UFC1: variants seen among roughly 807,000 people sequenced by gnomAD.
UFC1 encodes ubiquitin-fold modifier-conjugating enzyme 1.
UFC1 carries 22 observed loss-of-function variants against 28.0 expected under a neutral mutation model. That is an observed-to-expected ratio of 0.78 (90% CI 0.56 to 1.12). The LOEUF (loss-of-function observed/expected upper bound fraction) is 1.12. UFC1 is among the 50% of genes most tolerant of loss of function. UFC1 has a pLI of 0.00. For synonymous variants in UFC1, 61 were observed against 74.5 expected, an observed-to-expected ratio of 0.82 and a Z score of 0.93; for missense variants, 189 against 207.8, an observed-to-expected ratio of 0.91 and a Z score of 0.56.
chr1:161,156,623 C>G (rs1382427525), intron 1 of UFC1, among the ~76,000 whole-genome samples: 1 of 151,462 alleles, frequency 6.6e-6, no homozygotes, highest in Non-Finnish European at 1.5e-5. Flanking sequence ...AGGTTGATCA[C>G]CTGGGGTCAG....
intron 1 of UFC1, 92 bp downstream of exon 1, chr1:161,154,212 G>T (rs758445318): frequency 6.4e-7 from 1 of 1,551,614 alleles, no homozygotes; most frequent in Non-Finnish European, 8.7e-7. Context: ...AGCCGCTTCC[G>T]GTTTTTAAGT....
rs186340905 is a variant in UFC1, at chr1:161,158,692, C to A, written c.*200C>A. 2 of 614,212 alleles carry A rather than the reference C, an allele frequency of 3.3e-6. No homozygotes were observed. The highest frequency in any genetic ancestry group is 2.8e-5 in the East Asian group (1 of 35,192). The allele number at this position is 614,212 out of a possible 1,614,324, so 38.0% of individuals were successfully genotyped here. The stretch of plus-strand genomic sequence containing the variant: ...CTGCTACTTAGTTTCTAAGGCTGCA[C>A]AGGGAAGGGAAAGACTGGGCTTTGG... On this transcript the variant is annotated 3_prime_UTR_variant, in exon 6 of 6. Coordinates refer to ENST00000368003, the MANE Select transcript of UFC1 (RefSeq NM_016406.4).
intron 1 of UFC1, among the ~76,000 whole-genome samples, chr1:161,156,063 T>C (rs1657495359): frequency 6.6e-6 from 1 of 152,166 alleles, no homozygotes; most frequent in Non-Finnish European, 1.5e-5. Context: ...AGTTGTGGGC[T>C]GAGGGCAGAC....
chr1:161,157,579 C>A, intron 3 of UFC1, 38 bp from the exon 4 acceptor site: 3 of 1,578,414 alleles, frequency 1.9e-6, no homozygotes, highest in Non-Finnish European at 1.7e-6. Flanking sequence ...TCCTTTCTAT[C>A]CTGATTCTGT....
chr1:161,154,248 G>A, intron 1 of UFC1, 128 bp downstream of exon 1: 1 of 1,446,288 alleles, frequency 6.9e-7, no homozygotes, highest in Non-Finnish European at 9.4e-7. Flanking sequence ...ATAGAAATGG[G>A]ACTATTGTGG....
Position 161,154,011 on chromosome 1 carries a change from CCACGCGA to C in UFC1, c.16_22del (p.Thr6ValfsTer9). The C allele has an allele frequency of 6.2e-7, 1 of 1,614,102 alleles. No homozygotes were observed. Among genetic ancestry groups the C allele is most frequent in the Non-Finnish European group, 8.5e-7 (1 of 1,180,014 alleles). On this transcript the variant is annotated frameshift_variant, in exon 1 of 6. Coordinates refer to ENST00000368003, the MANE Select transcript of UFC1 (RefSeq NM_016406.4). LOFTEE classifies it high-confidence loss of function. ...CCCTGGTCCAAGATGGCGGATGAAG[CCACGCGA>C]CGTGTTGTGTCTGAGATCCCGGTGC... is the stretch of plus-strand genomic sequence containing the variant.
chr1:161,157,622 T>C lies in UFC1; in HGVS notation c.261T>C (p.Pro87=), dbSNP rs780803364. Residue 87 remains proline (P), a synonymous_variant, in exon 4 of 6, where the codon CCT becomes CCC. Transcript: ENST00000368003. ...KYEFDIEFDI[P]ITYPTTAPEI... is the part of the protein sequence containing the mutation. ...AGGTTTTATAATTTCTCCAGATTCCTATCACATATCCTACTACTGCCCCAG... is the reference window on the plus strand; with the variant it reads ...AGGTTTTATAATTTCTCCAGATTCCCATCACATATCCTACTACTGCCCCAG... 5.0e-6 allele frequency: 8 copies of C among 1,613,674 alleles called. No individual in the cohort carries two copies. The highest frequency in any genetic ancestry group is 6.8e-6 in the Non-Finnish European group (8 of 1,179,554).
rs747649250 is a variant in UFC1, at chr1:161,158,631, A to G, written c.*139A>G. The G allele has an allele frequency of 6.1e-6, 5 of 824,156 alleles. No individual in the cohort carries two copies. Among genetic ancestry groups the G allele is most frequent in the African/African-American group, 1.7e-5 (1 of 59,314 alleles). The allele number at this position is 824,156 out of a possible 1,614,324, so 51.1% of individuals were successfully genotyped here. ...TTGTTACTAAGTAGCTGCAGTAGGC[A>G]TTGCTGGGGAAGAAACAAACACACA... is the stretch of plus-strand genomic sequence containing the variant. On this transcript the variant is annotated 3_prime_UTR_variant, in exon 6 of 6. Coordinates refer to ENST00000368003, the MANE Select transcript of UFC1 (RefSeq NM_016406.4).
In UFC1 at chr1:161,156,953, G is replaced by C. The variant is rs749127647; in HGVS notation, c.127G>C (p.Val43Leu). 6.2e-6 allele frequency: 10 copies of C among 1,614,068 alleles called. No individual in the cohort carries two copies. Among genetic ancestry groups the C allele is most frequent in the Non-Finnish European group, 8.5e-6 (10 of 1,180,016 alleles). Residue 43 changes from valine to leucine, a missense_variant, in exon 2 of 6, where the codon GTG becomes CTG. Physicochemically the swap from Val to Leu is conservative, Grantham distance 32. Coordinates refer to ENST00000368003, the MANE Select transcript of UFC1 (RefSeq NM_016406.4). The stretch of plus-strand genomic sequence containing the variant: ...AGACCTCATTCTCTGCTTTCAGTAT[G>C]TGGAGAACAACAAGAATGCTGACAA... ...KEEYQSLIRY[V>L]ENNKNADNDW...
At chr1:161,154,175 T>C in intron 1 of UFC1, 55 bp downstream of exon 1, 1 of 1,604,408 alleles carries the variant, frequency 6.2e-7, no homozygotes. Flanking sequence ...AGAAATCAGG[T>C]GTCCTCAATA....
Position 161,154,109 on chromosome 1 carries a change from T to A in UFC1, c.112T>A (p.Ser38Thr), listed in dbSNP as rs1657438976. The change falls in exon 1 of 6, where the codon TCC (serine) becomes ACC (threonine). Residue 38 changes from serine (S) to threonine (T), a missense_variant. Transcript: ENST00000368003. ...GCAGCGACTGAAGGAGGAATATCAGTCCCTTATCCGGGTTAGTTGTGTTTC... is the reference window on the plus strand; with the variant it reads ...GCAGCGACTGAAGGAGGAATATCAGACCCTTATCCGGGTTAGTTGTGTTTC... ...WVQRLKEEYQ[S>T]LIRYVENNKN... 1 of 1,613,880 alleles carries A rather than the reference T, an allele frequency of 6.2e-7. No homozygotes were observed. Among genetic ancestry groups the A allele is most frequent in the South Asian group, 1.1e-5 (1 of 91,074 alleles).
At chr1:161,155,642 G>A (rs751807656) in intron 1 of UFC1, among the ~76,000 whole-genome samples, 1 of 152,170 alleles carries the variant, frequency 6.6e-6, no homozygotes. Flanking sequence ...ATCTAAACTA[G>A]GCAGTTGTGA....
chr1:161,158,694 G>T lies in UFC1; in HGVS notation c.*202G>T. On this transcript the variant is annotated 3_prime_UTR_variant, in exon 6 of 6. Transcript: ENST00000368003. ...GCTACTTAGTTTCTAAGGCTGCACAGGGAAGGGAAAGACTGGGCTTTGGAC... is the reference window on the plus strand; with the variant it reads ...GCTACTTAGTTTCTAAGGCTGCACATGGAAGGGAAAGACTGGGCTTTGGAC... 1.6e-6 allele frequency: 1 copy of T among 610,890 alleles called. No homozygotes were observed. Among genetic ancestry groups the T allele is most frequent in the Non-Finnish European group, 2.9e-6 (1 of 344,756 alleles). The allele number at this position is 610,890 out of a possible 1,614,324, so 37.8% of individuals were successfully genotyped here.
chr1:161,157,506 C>T (rs1657550728), intron 3 of UFC1, 111 bp from the exon 4 acceptor site: 1 of 1,280,260 alleles, frequency 7.8e-7, no homozygotes, highest in Non-Finnish European at 1.1e-6. Flanking sequence ...GGATGTGCTC[C>T]TTGGGGAGTT....
intron 1 of UFC1, among the ~76,000 whole-genome samples, chr1:161,154,558 C>T (rs551811049): frequency 6.6e-6 from 1 of 152,292 alleles, no homozygotes; most frequent in African/African-American, 2.4e-5. Context: ...GATCTCGGCT[C>T]ACTGCAACCT....
intron 2 of UFC1, 112 bp from the exon 3 acceptor site, chr1:161,157,140 CAG>C: frequency 6.6e-7 from 1 of 1,514,450 alleles, no homozygotes. Context: ...CCCACAGCGC[CAG>C]AGTTCCCCAG....
intron 1 of UFC1, among the ~76,000 whole-genome samples, chr1:161,156,139 G>A (rs1657496981): frequency 6.6e-6 from 1 of 152,198 alleles, no homozygotes; most frequent in Admixed American, 6.5e-5. Context: ...GCTAAATTGA[G>A]TGGAGCCCAT....
chr1:161,154,208 T>A, intron 1 of UFC1, 88 bp downstream of exon 1: 1 of 1,557,288 alleles, frequency 6.4e-7, no homozygotes, highest in Non-Finnish European at 8.7e-7. Context: ...TGGAAGCCGC[T>A]TCCGGTTTTT....
chr1:161,154,612 G>A (rs1657457150), intron 1 of UFC1, among the ~76,000 whole-genome samples: 1 of 152,194 alleles, frequency 6.6e-6, no homozygotes, highest in Admixed American at 6.5e-5. Flanking sequence ...AGCCTCCTGA[G>A]TAGCTGGGAC....
Sources: allele counts gnomAD v4.1 joint callset (sites outside exome capture counted in the v4.1 genomes callset), GRCh38; gene constraint gnomAD v4.1.1; transcripts MANE v1.5; gene names NCBI Gene and HGNC (gene_info 2026-07-23, HGNC 2026-07-21).